The following TRPM5 variants were observed in gnomAD, a reference collection of about 807,000 sequenced individuals.
TRPM5 encodes the protein MLSN1 and TRP-related.
In TRPM5, 121 loss-of-function variants were observed where a neutral mutation model predicts 124.9. The ratio of observed to expected loss-of-function variants is 0.97; its 90% CI spans 0.84 to 1.13. TRPM5 has a LOEUF of 1.13. Ranked by LOEUF, TRPM5 falls within the 50% of genes most tolerant of loss-of-function variation. The probability of loss-of-function intolerance (pLI) is 0.00; values close to 1 mark genes in which losing one functional copy is unlikely to be tolerated. For missense variants in TRPM5, 1,643 were observed against 1,589.1 expected, an observed-to-expected ratio of 1.03 and a Z score of -0.58; for synonymous variants, 781 against 700.5, an observed-to-expected ratio of 1.11 and a Z score of -1.81.
intron 18 of TRPM5, among the ~76,000 whole-genome samples, chr11:2,409,903 C>T (rs1850410087): frequency 6.6e-6 from 1 of 152,330 alleles, no homozygotes; most frequent in South Asian, 2.1e-4. Context: ...CCTGCCTTCT[C>T]CCGTCGAGAA....
the TRPM5 span, among the ~76,000 whole-genome samples, chr11:2,437,798 G>C: frequency 2.0e-5 from 3 of 152,178 alleles, no homozygotes; most frequent in Middle Eastern, 6.3e-3. The surrounding 1 kb of genome is among the most constrained non-coding windows in gnomAD (Gnocchi z 5.6). Context: ...GCTGGTAGGG[G>C]TGGGTCTGAG....
chr11:2,420,464 C>T (rs1398382549), intron 3 of TRPM5, 59 bp from the exon 9 acceptor site: 2 of 1,513,774 alleles, frequency 1.3e-6, no homozygotes, highest in Non-Finnish European at 1.8e-6. Context: ...GCTGGTCCCG[C>T]TGCGGGATCC....
chr11:2,407,819 A>G (rs1191231772), exon 19 of TRPM5: 1 of 1,613,830 alleles, frequency 6.2e-7, no homozygotes, highest in Non-Finnish European at 8.5e-7. Context: ...GAAGGTGACC[A>G]GCAGGAGGAT....
chr11:2,423,409 A>G (rs892717881), upstream of TRPM5, among the ~76,000 whole-genome samples: 11 of 152,092 alleles, frequency 7.2e-5, no homozygotes, highest in African/African-American at 9.7e-5. Context: ...TGTGGGGATG[A>G]CCTGGAAACT....
rs201800298 is a variant in TRPM5, at chr11:2,404,989, C to T, written c.3446G>A (p.Gly1149Asp). 18 of 1,612,824 alleles carry T rather than the reference C, an allele frequency of 1.1e-5. No homozygotes were observed. Among genetic ancestry groups the T allele is most frequent in the Middle Eastern group, 3.4e-4 (2 of 5,880 alleles). ...CCCGGGTTGTTCCCAGCCATCTAAA[C>T]CACCTCTGTGGTCAGCAGCCACCAG... The change falls in exon 24 of 24, where the codon GGT (glycine) becomes GAT (aspartate). Residue 1149 changes from glycine (G) to aspartate (D), a missense_variant. Coordinates refer to ENST00000155858, the Ensembl canonical transcript of TRPM5.
At chr11:2,409,200 A>G (rs1433022817) in intron 18 of TRPM5, among the ~76,000 whole-genome samples, 3 of 151,672 alleles carry the variant, frequency 2.0e-5, no homozygotes, top group African/African-American at 7.3e-5. Context: ...AGCCCTCCCC[A>G]CGCTCCCACC....
chr11:2,409,079 C>G (rs1186309708), intron 18 of TRPM5, among the ~76,000 whole-genome samples: 1 of 151,318 alleles, frequency 6.6e-6, no homozygotes, highest in African/African-American at 2.4e-5. Flanking sequence ...GGTCCGTTCT[C>G]CCTCCTAGGG....
At chr11:2,419,915 GCCTCTGACCA>G (rs112308550) in intron 4 of TRPM5, among the ~76,000 whole-genome samples, 5,478 of 152,282 alleles carry the variant, frequency 0.036, 293 homozygotes, top group African/African-American at 0.12. Flanking sequence ...GAGTCCCGGA[GCCTCTGACCA>G]CGGCAAGGCC....
upstream of TRPM5, among the ~76,000 whole-genome samples, chr11:2,424,606 G>A (rs547952184): frequency 6.6e-6 from 1 of 152,362 alleles, no homozygotes; most frequent in East Asian, 1.9e-4. Flanking sequence ...AGACACAGGG[G>A]AGGGGTGAAG....
the TRPM5 span, among the ~76,000 whole-genome samples, chr11:2,442,604 A>G: frequency 1.3e-5 from 2 of 152,162 alleles, no homozygotes; most frequent in African/African-American, 2.4e-5. This position sits in a 1 kb window ranked among gnomAD's most constrained non-coding sequence, Gnocchi z 5.9. Context: ...TATTTTTCCT[A>G]CATATCTTTG....
chr11:2,420,253 C>T (rs769294334), exon 4 of TRPM5: 9 of 1,609,454 alleles, frequency 5.6e-6, no homozygotes. Context: ...CCGAGATGTG[C>T]TTCTCCAGCC....
chr11:2,408,407 T>TA (rs1004609346), intron 18 of TRPM5, among the ~76,000 whole-genome samples: 3 of 152,206 alleles, frequency 2.0e-5, no homozygotes, highest in African/African-American at 7.2e-5. Flanking sequence ...TGCCTGTGAT[T>TA]AAACCCCAAG....
intron 19 of TRPM5, 148 bp downstream of exon 24, chr11:2,407,611 C>G: frequency 9.2e-7 from 1 of 1,082,008 alleles, no homozygotes; most frequent in East Asian, 2.5e-5. Context: ...CCCTGCAGTC[C>G]AGGCTATGCC....
the TRPM5 span, among the ~76,000 whole-genome samples, chr11:2,431,484 A>C: frequency 1.3e-5 from 2 of 152,222 alleles, no homozygotes; most frequent in Admixed American, 6.5e-5. Context: ...TCCTTCCTCT[A>C]TCCTGGTCCT....
chr11:2,425,700 G>A (rs563435861), upstream of TRPM5, among the ~76,000 whole-genome samples: 30 of 150,558 alleles, frequency 2.0e-4, no homozygotes, highest in African/African-American at 6.4e-4. Context: ...CTGGTCACCC[G>A]CTGGGGTCAA....
rs1007360477 is a variant in TRPM5 at position 2,408,013 on chromosome 11, C to T, written c.2783-101G>A. On this transcript the variant is annotated intron_variant, in intron 18 of 23. Transcript: ENST00000155858. ...GAGCGCTGAGTCCTGGTGTTGAACC[C>T]AGGGGACGGGGTGCTGGTTGGGTGA... is the stretch of plus-strand genomic sequence containing the variant. 5 of 1,465,784 alleles carry T rather than the reference C, an allele frequency of 3.4e-6. No individual in the cohort carries two copies. In the African/African-American group the frequency reaches 5.6e-5, roughly 16 times the overall value. 90.8% of individuals were successfully genotyped at this position (1,465,784 alleles called of 1,614,324 possible).
chr11:2,404,714 G>C, exon 24 of TRPM5: 1 of 546,114 alleles, frequency 1.8e-6, no homozygotes, highest in Non-Finnish European at 3.3e-6. Flanking sequence ...GTGCCTGTCA[G>C]GGGAGACAGC....
rs998541470 is a variant in TRPM5, at chr11:2,405,970, C to A, written c.3324+49G>T. 3 of 1,545,460 alleles carry A rather than the reference C, an allele frequency of 1.9e-6. No homozygotes were observed. The South Asian group carries it at 3.3e-5, about 17-fold the overall frequency. ...CTGTGGACCCATCCCAGTAGCCCCA[C>A]GCAGCCACCCGCCTCCCATCAGGGA... On this transcript the variant is annotated intron_variant, in intron 22 of 23. Coordinates refer to ENST00000155858, the Ensembl canonical transcript of TRPM5.
At position 2,423,001 on chromosome 11, in the gene TRPM5, G is replaced by A. The variant is rs747237008; in HGVS notation, c.36C>T (p.Pro12=). The A allele has an allele frequency of 7.4e-6, 12 of 1,612,566 alleles. No individual in the cohort carries two copies. In the East Asian group the frequency reaches 1.6e-4, roughly 21 times the overall value. The change falls in exon 1 of 24, where the codon CCC becomes CCT. Residue 12 remains proline, a synonymous_variant. Coordinates refer to ENST00000155858, the Ensembl canonical transcript of TRPM5. ...GCTCCCGCCGGTCTTCAGCATCCCC[G>A]GGGCTTCCGGGACGGGGGCCTTGGA...
Sources: allele counts gnomAD v4.1 joint callset (sites outside exome capture counted in the v4.1 genomes callset), GRCh38; gene constraint gnomAD v4.1.1; non-coding constraint Gnocchi (gnomAD v3.1); transcripts MANE v1.5; gene names NCBI Gene and HGNC (gene_info 2026-07-23, HGNC 2026-07-21).